GNAQ: variants seen among roughly 807,000 people sequenced by gnomAD.
GNAQ encodes the protein G protein subunit alpha q, also known as guanine nucleotide-binding protein G(q) subunit alpha.
In GNAQ, 8 loss-of-function variants were observed where a neutral mutation model predicts 43.9. The observed-to-expected ratio is 0.18, with a 90% CI of 0.11 to 0.33. The LOEUF is 0.33. GNAQ is among the 10% of genes least tolerant of loss of function. The pLI is 1.00. For synonymous variants in GNAQ, 155 were observed against 170.7 expected, an observed-to-expected ratio of 0.91 and a Z score of 0.71; for missense variants, 158 against 450.8, an observed-to-expected ratio of 0.35 and a Z score of 5.88.
rs535977266 is a variant in GNAQ at position 77,983,510 on chromosome 9, C to G, written c.136+47590G>C. ...GGACTGGTATGGCCTTGAGCCTCTT[C>G]GAAGAGCCATTTGCCTTATTCCTCA... is the stretch of plus-strand genomic sequence containing the variant. On this transcript the variant is annotated intron_variant, in intron 1 of 6. Transcript: ENST00000286548. 1.1e-4 allele frequency among the ~76,000 whole-genome samples: 17 copies of G among 152,282 alleles called. No individual in the cohort carries two copies. The East Asian group carries it at 3.1e-3, about 28-fold the overall frequency.
intron 2 of GNAQ, among the ~76,000 whole-genome samples, chr9:77,877,055 T>C (rs1299612721): frequency 6.6e-5 from 10 of 152,220 alleles, no homozygotes; most frequent in Non-Finnish European, 2.9e-5. Flanking sequence ...GCCAAAAAAC[T>C]CATATTTGGA....
intron 2 of GNAQ, among the ~76,000 whole-genome samples, chr9:77,837,341 C>G (rs1455588055): frequency 6.6e-6 from 1 of 151,978 alleles, no homozygotes; most frequent in Non-Finnish European, 1.5e-5. Context: ...CGCCTGAGGT[C>G]AGGAGTTCAA....
chr9:77,840,355 T>TG (rs1265991310), intron 2 of GNAQ, among the ~76,000 whole-genome samples: 1 of 149,166 alleles, frequency 6.7e-6, no homozygotes, highest in Non-Finnish European at 1.5e-5. Flanking sequence ...TACTTTTTGT[T>TG]TTTTTTTTTT....
intron 1 of GNAQ, among the ~76,000 whole-genome samples, chr9:78,011,044 G>A (rs1823766902): frequency 6.6e-6 from 1 of 152,134 alleles, no homozygotes; most frequent in Non-Finnish European, 1.5e-5. Flanking sequence ...TAGAAACGCA[G>A]AGAAAAAGAC....
chr9:77,739,331 C>T (rs564108343), intron 5 of GNAQ, among the ~76,000 whole-genome samples: 37 of 152,248 alleles, frequency 2.4e-4, no homozygotes, highest in Non-Finnish European at 4.4e-4. Flanking sequence ...TTTCTCTTTT[C>T]GAGAATTGTC....
chr9:77,782,227 T>C (rs1004281234), intron 5 of GNAQ, among the ~76,000 whole-genome samples: 1 of 152,040 alleles, frequency 6.6e-6, no homozygotes, highest in Non-Finnish European at 1.5e-5. Context: ...TATTAAGTGA[T>C]TATAGCCAGA....
At chr9:77,742,312 C>CTAAT (rs1406615735) in intron 5 of GNAQ, among the ~76,000 whole-genome samples, 1 of 152,030 alleles carries the variant, frequency 6.6e-6, no homozygotes, top group African/African-American at 2.4e-5. Context: ...ATGTGACTAA[C>CTAAT]TAATATAGAA....
intron 5 of GNAQ, among the ~76,000 whole-genome samples, chr9:77,775,638 T>C (rs1826296142): frequency 6.6e-6 from 1 of 152,048 alleles, no homozygotes; most frequent in Non-Finnish European, 1.5e-5. Flanking sequence ...CTTGACGTGA[T>C]CAGCCTGCCT....
rs529412537 is a variant in GNAQ, at chr9:77,747,973, A to G, written c.736-19306T>C. The stretch of plus-strand genomic sequence containing the variant: ...ATGGTGTCAATTGGTGACATCATCC[A>G]TGTGAACATTCCTCATGTTTAGATC... On this transcript the variant is annotated intron_variant, in intron 5 of 6. Coordinates refer to ENST00000286548, the MANE Select transcript of GNAQ (RefSeq NM_002072.5). Among the ~76,000 whole-genome samples, 9 of 152,322 alleles carry G rather than the reference A, an allele frequency of 5.9e-5. No homozygotes were observed. The East Asian group carries it at 9.7e-4, about 16-fold the overall frequency.
intron 5 of GNAQ, among the ~76,000 whole-genome samples, chr9:77,753,485 T>C (rs1343194800): frequency 6.6e-6 from 1 of 152,226 alleles, no homozygotes; most frequent in Admixed American, 6.5e-5. Context: ...TACCACTGCC[T>C]TTGGAATGAT....
At chr9:77,845,490 G>A (rs1245870742) in intron 2 of GNAQ, among the ~76,000 whole-genome samples, 1 of 152,022 alleles carries the variant, frequency 6.6e-6, no homozygotes, top group East Asian at 1.9e-4. Flanking sequence ...TTCCTTTGTG[G>A]ATATTATTTT....
At chr9:77,772,352 A>T (rs1587909606) in intron 5 of GNAQ, among the ~76,000 whole-genome samples, 1 of 152,174 alleles carries the variant, frequency 6.6e-6, no homozygotes, top group Non-Finnish European at 1.5e-5. Flanking sequence ...TGCTGTGCGG[A>T]AACTCCCAGG....
In GNAQ at chr9:77,720,346, T is replaced by C. The variant is rs1825290844; in HGVS notation, c.*977A>G. 4.3e-6 allele frequency: 1 copy of C among 233,258 alleles called. No homozygotes were observed. The highest frequency in any genetic ancestry group is 8.5e-6 in the Non-Finnish European group (1 of 117,952). 14.4% of individuals were successfully genotyped at this position (233,258 alleles called of 1,614,324 possible). ...TGGCAACACATACCCATAATAAAAG[T>C]CATTTTAAAATCGTGGCCCAAACAC... On this transcript the variant is annotated 3_prime_UTR_variant, in exon 7 of 7. Coordinates refer to ENST00000286548, the MANE Select transcript of GNAQ (RefSeq NM_002072.5).
At chr9:77,899,097 T>A (rs952497777) in intron 2 of GNAQ, among the ~76,000 whole-genome samples, 3 of 152,110 alleles carry the variant, frequency 2.0e-5, no homozygotes, top group African/African-American at 4.8e-5. Context: ...CACCCGTTTT[T>A]TTGTTTTGTT....
chr9:77,895,135 T>A, intron 2 of GNAQ, among the ~76,000 whole-genome samples: 1 of 150,146 alleles, frequency 6.7e-6, no homozygotes, highest in South Asian at 2.1e-4. Context: ...GAGGTGGAGC[T>A]TGCAGTGAGC....
chr9:77,903,447 GA>G (rs1381246317), intron 2 of GNAQ, among the ~76,000 whole-genome samples: 1 of 152,154 alleles, frequency 6.6e-6, no homozygotes, highest in Non-Finnish European at 1.5e-5. Flanking sequence ...CTGTAAGGAG[GA>G]AAATGGAAAA....
intron 1 of GNAQ, among the ~76,000 whole-genome samples, chr9:78,002,293 T>C (rs901009936): frequency 6.6e-5 from 10 of 152,116 alleles, no homozygotes; most frequent in African/African-American, 2.2e-4. Flanking sequence ...TTGTCAAAGA[T>C]TGAAAGGAGT....
chr9:78,030,079 CTA>C (rs1006306218), intron 1 of GNAQ, among the ~76,000 whole-genome samples: 1 of 151,874 alleles, frequency 6.6e-6, no homozygotes, highest in Non-Finnish European at 1.5e-5. Flanking sequence ...TTTTTCAAGA[CTA>C]GAGGGAAATT....
chr9:77,935,666 T>C (rs773400401), intron 1 of GNAQ, among the ~76,000 whole-genome samples: 19 of 152,338 alleles, frequency 1.2e-4, no homozygotes, highest in East Asian at 1.9e-4. Context: ...CCACCAATTT[T>C]GATGTCAAGA....
Sources: gnomAD v4.1 joint callset for allele counts (sites outside exome capture counted in the v4.1 genomes callset) on GRCh38, gnomAD v4.1.1 for gene constraint, MANE v1.5 for transcripts, NCBI Gene and HGNC (gene_info 2026-07-23, HGNC 2026-07-21) for gene names.